The following IKZF2 variants were observed in gnomAD, a reference collection of about 807,000 sequenced individuals.
IKZF2 encodes IKAROS family zinc finger 2.
In IKZF2, 15 loss-of-function variants were observed where a neutral mutation model predicts 49.2. The ratio of observed to expected loss-of-function variants is 0.30; its 90% confidence interval spans 0.20 to 0.47. The LOEUF (loss-of-function observed/expected upper bound fraction) is 0.47. Among genes scored for constraint, IKZF2 ranks in the 20% least tolerant of loss-of-function variants. The pLI is 1.00. For synonymous variants in IKZF2, 227 were observed against 221.4 expected, an observed-to-expected ratio of 1.03 and a Z score of -0.23; for missense variants, 567 against 664.6, an observed-to-expected ratio of 0.85 and a Z score of 1.61.
At chr2:213,152,313 A>G (rs950436404), upstream of IKZF2, 4 of 152,314 alleles carry the variant, frequency 2.6e-5, no homozygotes, top group Non-Finnish European at 5.9e-5. Context: ...CCTCCCACCT[A>G]CTGGTCTCCG....
intron 6 of IKZF2, among the ~76,000 whole-genome samples, chr2:213,032,922 AG>A (rs1284775239): frequency 6.6e-6 from 1 of 152,244 alleles, no homozygotes; most frequent in Non-Finnish European, 1.5e-5. Context: ...CCTTTCACAA[AG>A]GACTTCTCTG....
chr2:213,131,945 G>A (rs2060486626), intron 4 of IKZF2, among the ~76,000 whole-genome samples: 3 of 152,214 alleles, frequency 2.0e-5, no homozygotes, highest in Non-Finnish European at 2.9e-5. Flanking sequence ...CTTCTTAATT[G>A]AGAGACTACT....
At chr2:213,124,233 C>T (rs1181647444) in intron 4 of IKZF2, among the ~76,000 whole-genome samples, 3 of 121,878 alleles carry the variant, frequency 2.5e-5, no homozygotes, top group Non-Finnish European at 5.0e-5. Context: ...TGCACGCACA[C>T]ATGCGCTCGC....
In IKZF2 at chr2:213,054,968, A is replaced by T. The variant is rs1701006106; in HGVS notation, c.406+1865T>A. On this transcript the variant is annotated intron_variant, in intron 5 of 8. Coordinates refer to ENST00000434687, the MANE Select transcript of IKZF2 (RefSeq NM_001387220.1). Reference sequence around the variant, plus strand: ...TAACAATCCTCATGAATATTATTGTAGCTACAGTGAATCACTGATTAACCT... The same window carrying T: ...TAACAATCCTCATGAATATTATTGTTGCTACAGTGAATCACTGATTAACCT... 2.0e-5 allele frequency among the ~76,000 whole-genome samples: 3 copies of T among 152,142 alleles called. No individual in the cohort carries two copies. In the South Asian group the frequency reaches 6.2e-4, roughly 31 times the overall value.
intron 4 of IKZF2, among the ~76,000 whole-genome samples, chr2:213,140,887 T>C (rs962837637): frequency 1.3e-5 from 2 of 152,006 alleles, no homozygotes; most frequent in Non-Finnish European, 2.9e-5. Context: ...GTTAAAGTAA[T>C]ATGGGCAGAA....
chr2:213,040,380 T>C (rs1472043669), intron 6 of IKZF2, among the ~76,000 whole-genome samples: 1 of 152,032 alleles, frequency 6.6e-6, no homozygotes, highest in Non-Finnish European at 1.5e-5. Context: ...TTCCCCTCTA[T>C]GGAGACACAT....
At chr2:213,139,460 A>G (rs945716981) in intron 4 of IKZF2, among the ~76,000 whole-genome samples, 1 of 151,982 alleles carries the variant, frequency 6.6e-6, no homozygotes, top group Non-Finnish European at 1.5e-5. Flanking sequence ...TGCTCAGTAA[A>G]TGACCTTTAC....
At chr2:213,117,621 G>A (rs1408667295) in intron 4 of IKZF2, among the ~76,000 whole-genome samples, 2 of 152,320 alleles carry the variant, frequency 1.3e-5, no homozygotes, top group East Asian at 3.9e-4. Flanking sequence ...TTCTGATCCT[G>A]AGTCCCTACA....
At chr2:213,135,747 A>T (rs564812193) in intron 4 of IKZF2, among the ~76,000 whole-genome samples, 21 of 151,986 alleles carry the variant, frequency 1.4e-4, no homozygotes, top group Non-Finnish European at 2.5e-4. Context: ...AGAAAGAAGA[A>T]AGGAAAAGGA....
At chr2:213,115,187 C>T (rs1228508012) in intron 4 of IKZF2, among the ~76,000 whole-genome samples, 1 of 152,046 alleles carries the variant, frequency 6.6e-6, no homozygotes, top group Admixed American at 6.6e-5. Flanking sequence ...ATTCAGTATT[C>T]GATACGTTTA....
At chr2:213,082,419 T>C (rs1574772527) in intron 4 of IKZF2, among the ~76,000 whole-genome samples, 1 of 152,196 alleles carries the variant, frequency 6.6e-6, no homozygotes, top group Admixed American at 6.5e-5. Context: ...TACTAGCTTA[T>C]CCTGTGATGT....
At chr2:213,101,358 TC>T (rs1559275060) in intron 4 of IKZF2, among the ~76,000 whole-genome samples, 2 of 152,118 alleles carry the variant, frequency 1.3e-5, no homozygotes, top group African/African-American at 4.8e-5. Context: ...AAAAACTTTT[TC>T]TTCTTTCAGA....
chr2:212,999,856 A>T lies in IKZF2; in HGVS notation c.*7504T>A, dbSNP rs898455517. On this transcript the variant is annotated 3_prime_UTR_variant, in exon 9 of 9. Coordinates refer to ENST00000434687, the MANE Select transcript of IKZF2 (RefSeq NM_001387220.1). ...TCCAGTAGCTGTGCACTCAGACAGT[A>T]CAAACCTTTATAATATAATCCTTTT... 1.3e-5 allele frequency: 2 copies of T among 152,354 alleles called. No homozygotes were observed. The highest frequency in any genetic ancestry group is 4.8e-5 in the African/African-American group (2 of 41,424). The allele number at this position is 152,354 out of a possible 1,614,324, so 9.4% of individuals were successfully genotyped here.
chr2:213,043,316 G>A (rs1472111236), intron 6 of IKZF2, among the ~76,000 whole-genome samples: 1 of 151,980 alleles, frequency 6.6e-6, no homozygotes, highest in Non-Finnish European at 1.5e-5. Flanking sequence ...CATCTGTGCT[G>A]GGCTTGTTGT....
intron 4 of IKZF2, chr2:213,081,033 T>G (rs1703892314): frequency 6.5e-6 from 1 of 154,530 alleles, no homozygotes; most frequent in South Asian, 2.0e-4. Flanking sequence ...AATTAGAGTT[T>G]CTATTTATAT....
At chr2:213,075,330 G>A (rs961547389) in intron 4 of IKZF2, among the ~76,000 whole-genome samples, 4 of 151,896 alleles carry the variant, frequency 2.6e-5, no homozygotes, top group African/African-American at 9.7e-5. Flanking sequence ...TTCAAATTAG[G>A]GTATCAGCTG....
chr2:213,055,989 A>G (rs1367817578), intron 5 of IKZF2, among the ~76,000 whole-genome samples: 1 of 152,114 alleles, frequency 6.6e-6, no homozygotes, highest in Non-Finnish European at 1.5e-5. Flanking sequence ...CCATTAAACC[A>G]ATTTTCATAT....
rs1706228771 is a variant in IKZF2 at position 213,098,061 on chromosome 2, T to C, written c.140-40962A>G. 2.0e-5 allele frequency: 4 copies of C among 204,928 alleles called. No homozygotes were observed. In the South Asian group the frequency reaches 2.2e-4, roughly 11 times the overall value. The allele number at this position is 204,928 out of a possible 1,614,324, so 12.7% of individuals were successfully genotyped here. On this transcript the variant is annotated intron_variant, in intron 4 of 8. Transcript: ENST00000434687. The stretch of plus-strand genomic sequence containing the variant: ...ACAGAAGTTAGGTCAGTGATATCAT[T>C]CTATATCCATGGCTCTAGACCTTCA...
chr2:213,035,253 CT>C (rs148059034), intron 6 of IKZF2, among the ~76,000 whole-genome samples: 37 of 151,160 alleles, frequency 2.4e-4, no homozygotes, highest in East Asian at 9.7e-4. Context: ...AGTGGAAAAT[CT>C]TTTTTTTTCC....
Sources: allele counts gnomAD v4.1 joint callset (sites outside exome capture counted in the v4.1 genomes callset), GRCh38; gene constraint gnomAD v4.1.1; transcripts MANE v1.5; gene names NCBI Gene and HGNC (gene_info 2026-07-23, HGNC 2026-07-21).